NUP85: variants seen among roughly 807,000 people sequenced by gnomAD.
NUP85 encodes nuclear pore complex protein Nup85.
NUP85 carries 23 observed loss-of-function variants against 92.8 expected under a neutral mutation model. The ratio of observed to expected loss-of-function variants is 0.25; its 90% CI spans 0.18 to 0.35. The LOEUF (loss-of-function observed/expected upper bound fraction) is 0.35, where lower values mean the gene tolerates loss of function less well. NUP85 is among the 10% of genes least tolerant of loss of function. The pLI is 1.00. For missense variants in NUP85, 759 were observed against 822.8 expected (o/e 0.92, Z 0.95); for synonymous variants, 314 against 306.9 (o/e 1.02, Z -0.24).
intron 7 of NUP85, among the ~76,000 whole-genome samples, chr17:75,220,934 T>C (rs1323918333): frequency 6.9e-6 from 1 of 145,056 alleles, no homozygotes; most frequent in Non-Finnish European, 1.5e-5. Context: ...CAGGCTGGAG[T>C]GCAGTGGCAC....
At position 75,218,188 on chromosome 17, in the gene NUP85, G is replaced by A. The variant is rs761018652; in HGVS notation, c.479G>A (p.Gly160Asp). ...TGATGAGAGTCTCTCCTCCCAGCTG[G>A]CCCTCTCCTCCTCCATCTCCTTGAC... ...EILFIEVAPA[G>D]PLLLHLLDWV... The change falls in exon 7 of 19, where the codon GGC becomes GAC. Residue 160 changes from glycine (G) to aspartate (D), a missense_variant. Coordinates refer to ENST00000245544, the MANE Select transcript of NUP85 (RefSeq NM_024844.5). 10 of 1,613,734 alleles carry A rather than the reference G, an allele frequency of 6.2e-6. No individual in the cohort carries two copies. The highest frequency in any genetic ancestry group is 7.6e-6 in the Non-Finnish European group (9 of 1,179,812).
rs1313222854 is a variant in NUP85 at position 75,225,757 on chromosome 17, T to C, written c.915T>C (p.Tyr305=). The C allele has an allele frequency of 6.2e-7, 1 of 1,614,158 alleles. No individual in the cohort carries two copies. Among genetic ancestry groups the C allele is most frequent in the South Asian group, 1.1e-5 (1 of 91,080 alleles). The change falls in exon 10 of 19, where the codon TAT becomes TAC. Residue 305 remains tyrosine (Y), a synonymous_variant. Coordinates refer to ENST00000245544, the MANE Select transcript of NUP85 (RefSeq NM_024844.5). ...LEQKELLSNW[Y]HFLVTRLLYS... The stretch of plus-strand genomic sequence containing the variant: ...AGAAGGAACTTCTGAGTAATTGGTA[T>C]CATTTCCTAGTGACTCGGCTCTTGT...
In NUP85 at chr17:75,235,170, T is replaced by C; in HGVS notation, c.1838T>C (p.Val613Ala). The C allele has an allele frequency of 6.2e-7, 1 of 1,614,052 alleles. No homozygotes were observed. Among genetic ancestry groups the C allele is most frequent in the Non-Finnish European group, 8.5e-7 (1 of 1,179,958 alleles). ...CLEDLTSRRP[V>A]HGESDTEQLQ... ...GAGGACTTGACGTCAAGAAGACCTG[T>C]GCATGGAGAATCTGATACCGAGCAG... Residue 613 changes from valine (V) to alanine (A), a missense_variant, in exon 18 of 19, where the codon GTG becomes GCG. Physicochemically the swap from Val to Ala is moderately conservative, Grantham distance 64. Transcript: ENST00000245544.
Position 75,231,846 on chromosome 17 carries a change from C to T in NUP85, c.1263C>T (p.Val421=), listed in dbSNP as rs561504103. The change falls in exon 14 of 19, where the codon GTC becomes GTT. Residue 421 remains valine (V), a synonymous_variant. Transcript: ENST00000245544. The surrounding 1 kb of genome is among the most constrained non-coding windows in gnomAD (Gnocchi z 4.6). Reference sequence around the variant, plus strand: ...TTTGCAGCCTGTGGCAGCTGGGGGTCGATTACTTTGATTACTGCCCCGAGC... The same window carrying T: ...TTTGCAGCCTGTGGCAGCTGGGGGTTGATTACTTTGATTACTGCCCCGAGC... ...FAHPSLWQLG[V]DYFDYCPELG... 1.4e-5 allele frequency: 23 copies of T among 1,613,904 alleles called. No individual in the cohort carries two copies. The highest frequency in any genetic ancestry group is 5.3e-5 in the African/African-American group (4 of 74,900).
chr17:75,210,705 T>C (rs1250744185), intron 3 of NUP85, among the ~76,000 whole-genome samples: 1 of 152,132 alleles, frequency 6.6e-6, no homozygotes, highest in Non-Finnish European at 1.5e-5. Context: ...ATTGGTTGTT[T>C]TTCTGTTTTT....
In NUP85 at chr17:75,223,761, A is replaced by G. The variant is rs180965623; in HGVS notation, c.598-1342A>G. On this transcript the variant is annotated intron_variant, in intron 7 of 18. Transcript: ENST00000245544. ...ACCATTTTATTTAATGCATTCTGAT[A>G]TTTTATATTATTTCATTTTAATTTT... Among the ~76,000 whole-genome samples, 311 of 152,222 alleles carry G rather than the reference A, an allele frequency of 2.0e-3. 3 individuals are homozygous for G. The highest frequency in any genetic ancestry group is 7.1e-3 in the African/African-American group (295 of 41,548).
chr17:75,228,642 G>C (rs2075917995), intron 11 of NUP85: 2 of 985,446 alleles, frequency 2.0e-6, no homozygotes, highest in South Asian at 9.4e-5. Flanking sequence ...AGGGAAGTGT[G>C]TCTCTTTCTG....
At position 75,232,777 on chromosome 17, in the gene NUP85, C is replaced by T. The variant is rs914528763; in HGVS notation, c.1397-74C>T. The T allele has an allele frequency of 4.7e-5, 64 of 1,348,600 alleles. 1 individual carries two copies. In the Admixed American group the frequency reaches 5.0e-4, roughly 11 times the overall value. 83.5% of individuals were successfully genotyped at this position (1,348,600 alleles called of 1,614,324 possible). A position where few individuals can be genotyped will look rare whatever the true frequency, so the allele number is the denominator to read the frequency against. On this transcript the variant is annotated intron_variant, in intron 14 of 18. Transcript: ENST00000245544. ...GTGGAGTGAGGCTGTGAGGCCACTC[C>T]GGTCCCCACAGGGCTCAGGAATGGA...
Position 75,233,979 on chromosome 17 carries a change from C to T in NUP85, c.1616-658C>T, listed in dbSNP as rs2076211859. Among the ~76,000 whole-genome samples the T allele has an allele frequency of 2.6e-5, 4 of 151,936 alleles. No homozygotes were observed. The South Asian group carries it at 8.3e-4, about 32-fold the overall frequency. ...GAACTCCTGACCTCAAGTGATCCGC[C>T]CGCCTCGGCCTCCCAAAGTGCTGGG... is the stretch of plus-strand genomic sequence containing the variant. On this transcript the variant is annotated intron_variant, in intron 16 of 18. Transcript: ENST00000245544.
intron 2 of NUP85, 74 bp from the exon 3 acceptor site, chr17:75,209,749 A>T: frequency 7.4e-7 from 1 of 1,344,342 alleles, no homozygotes; most frequent in Non-Finnish European, 9.9e-7. Context: ...GCCACAGAAA[A>T]TTTTTTTAGA....
chr17:75,205,882 G>T (rs1384606812), intron 1 of NUP85, 88 bp downstream of exon 1: 20 of 1,473,128 alleles, frequency 1.4e-5, no homozygotes, highest in Non-Finnish European at 1.8e-5. Flanking sequence ...CTTCCCTAGT[G>T]GTCGCGAGGC....
chr17:75,232,963 A>G lies in NUP85; in HGVS notation c.1509A>G (p.Ser503=). The change falls in exon 15 of 19, where the codon TCA becomes TCG. Residue 503 remains serine, a synonymous_variant. Coordinates refer to ENST00000245544, the MANE Select transcript of NUP85 (RefSeq NM_024844.5). ...AKDAAFATLV[S]DRFLRDYCER... ...ATGCCGCCTTTGCCACGCTCGTGTC[A>G]GACAGGTGGGTGCCGCTAGTGTTGG... 2 of 1,614,130 alleles carry G rather than the reference A, an allele frequency of 1.2e-6. No individual in the cohort carries two copies. Among genetic ancestry groups the G allele is most frequent in the Non-Finnish European group, 1.7e-6 (2 of 1,179,966 alleles).
chr17:75,223,596 C>G (rs1187286796), intron 7 of NUP85, among the ~76,000 whole-genome samples: 1 of 152,078 alleles, frequency 6.6e-6, no homozygotes, highest in Non-Finnish European at 1.5e-5. Flanking sequence ...CCATGTTGAC[C>G]AGGCTGGTCT....
intron 10 of NUP85, 86 bp downstream of exon 10, chr17:75,225,915 G>A: frequency 6.3e-7 from 1 of 1,598,240 alleles, no homozygotes; most frequent in South Asian, 1.1e-5. Flanking sequence ...CCTCCCTGAG[G>A]AACAGGAAGA....
chr17:75,222,654 T>C (rs1036592326), intron 7 of NUP85, among the ~76,000 whole-genome samples: 1 of 152,054 alleles, frequency 6.6e-6, no homozygotes, highest in African/African-American at 2.4e-5. Flanking sequence ...TCATATTTTG[T>C]TCAACCAATC....
chr17:75,213,862 G>GGTTTTTT, intron 5 of NUP85, among the ~76,000 whole-genome samples: 1 of 122,014 alleles, frequency 8.2e-6, no homozygotes, highest in Non-Finnish European at 1.7e-5. Flanking sequence ...CAAAACTCAA[G>GGTTTTTT]TTTTTTTTTT....
intron 10 of NUP85, 80 bp from the exon 11 acceptor site, chr17:75,225,971 G>A (rs1370017077): frequency 6.3e-7 from 1 of 1,598,920 alleles, no homozygotes; most frequent in Non-Finnish European, 8.5e-7. Flanking sequence ...CCTTCTCTGG[G>A]GTTCGTTATA....
intron 7 of NUP85, among the ~76,000 whole-genome samples, chr17:75,220,878 A>ATTTT (rs71159457): frequency 3.1e-5 from 3 of 97,556 alleles, no homozygotes; most frequent in African/African-American, 4.1e-5. Context: ...CACCATCCCA[A>ATTTT]TTTTTTTTTT....
rs562075298 is a variant in NUP85, at chr17:75,228,130, C to A, written c.1094+1973C>A. The A allele has an allele frequency of 1.6e-5, 15 of 933,162 alleles. No homozygotes were observed. The African/African-American group carries it at 2.3e-4, about 14-fold the overall frequency. 57.8% of individuals were successfully genotyped at this position (933,162 alleles called of 1,614,324 possible). On this transcript the variant is annotated intron_variant, in intron 11 of 18. Transcript: ENST00000245544. The stretch of plus-strand genomic sequence containing the variant: ...TAACAGTGAGTGAGTTTCACCAGGG[C>A]TTCCTAATTTATAAGCCCTGTATCT...
Sources: gnomAD v4.1 joint callset for allele counts (sites outside exome capture counted in the v4.1 genomes callset) on GRCh38, gnomAD v4.1.1 for gene constraint, Gnocchi (gnomAD v3.1) non-coding constraint, MANE v1.5 for transcripts, NCBI Gene and HGNC (gene_info 2026-07-23, HGNC 2026-07-21) for gene names.